The following DYM variants were observed in gnomAD, a reference collection of about 807,000 sequenced individuals.
DYM encodes the protein dyggve-Melchior-Clausen syndrome protein.
DYM carries 78 observed loss-of-function variants against 93.1 expected under a neutral mutation model. That is an observed-to-expected ratio of 0.84 (90% CI 0.70 to 1.01). The LOEUF (loss-of-function observed/expected upper bound fraction) is 1.01. Among genes scored for constraint, DYM ranks in the 50% least tolerant of loss-of-function variants. The pLI is 0.00. For missense variants in DYM, 789 were observed against 845.0 expected, an observed-to-expected ratio of 0.93 and a Z score of 0.82; for synonymous variants, 321 against 319.7, an observed-to-expected ratio of 1.00 and a Z score of -0.04.
intron 14 of DYM, chr18:49,206,101 C>T (rs1224417861): frequency 2.1e-5 from 5 of 237,906 alleles, no homozygotes; most frequent in Non-Finnish European, 3.2e-5. Context: ...CAGGCTCAAG[C>T]GATTCTCCTG....
intron 14 of DYM, among the ~76,000 whole-genome samples, chr18:49,207,442 C>T (rs922847953): frequency 6.6e-6 from 1 of 152,168 alleles, no homozygotes; most frequent in East Asian, 1.9e-4. Context: ...TATGTGTAAA[C>T]CTGGCTAAAC....
intron 2 of DYM, among the ~76,000 whole-genome samples, chr18:49,420,872 C>A (rs2073608347): frequency 6.6e-6 from 1 of 152,166 alleles, no homozygotes; most frequent in Non-Finnish European, 1.5e-5. Context: ...ATATCCCACG[C>A]CTGGCTCGGA....
At chr18:49,379,380 G>C (rs1389308519) in intron 4 of DYM, among the ~76,000 whole-genome samples, 1 of 152,016 alleles carries the variant, frequency 6.6e-6, no homozygotes, top group Non-Finnish European at 1.5e-5. Context: ...GTGATAATGG[G>C]GGGGAGGGGA....
chr18:49,310,949 T>C (rs2146348116), intron 8 of DYM, among the ~76,000 whole-genome samples: 1 of 152,314 alleles, frequency 6.6e-6, no homozygotes, highest in African/African-American at 2.4e-5. Flanking sequence ...TAATCCAATA[T>C]AGGCAAAATA....
intron 15 of DYM, among the ~76,000 whole-genome samples, chr18:49,129,541 G>A (rs765890588): frequency 5.9e-5 from 9 of 152,212 alleles, no homozygotes; most frequent in Non-Finnish European, 7.3e-5. Context: ...AAGTGGCAAA[G>A]AAGAAAGCAG....
chr18:49,078,662 C>T (rs1166354963), intron 17 of DYM, among the ~76,000 whole-genome samples: 2 of 152,090 alleles, frequency 1.3e-5, no homozygotes, highest in Non-Finnish European at 2.9e-5. Flanking sequence ...ATGTGAGGTG[C>T]TTGCCACCAT....
chr18:49,177,869 C>T (rs2089549205), intron 14 of DYM, among the ~76,000 whole-genome samples: 1 of 152,026 alleles, frequency 6.6e-6, no homozygotes, highest in Non-Finnish European at 1.5e-5. Context: ...CCTCATTTTC[C>T]TTTTAAATAA....
chr18:49,421,792 G>A (rs112376798), intron 2 of DYM, among the ~76,000 whole-genome samples: 30 of 152,146 alleles, frequency 2.0e-4, no homozygotes, highest in African/African-American at 5.3e-4. Flanking sequence ...AGAATAAACC[G>A]CATAGAGAAG....
intron 6 of DYM, among the ~76,000 whole-genome samples, chr18:49,358,376 C>T (rs1025537275): frequency 6.6e-6 from 1 of 152,088 alleles, no homozygotes; most frequent in African/African-American, 2.4e-5. Context: ...AGGCCCTAGA[C>T]ACAGCATGGA....
chr18:49,108,854 A>T (rs1427774326), intron 16 of DYM, among the ~76,000 whole-genome samples: 1 of 152,170 alleles, frequency 6.6e-6, no homozygotes, highest in Non-Finnish European at 1.5e-5. Context: ...TCTTCTTGCC[A>T]TTCTATCAGT....
intron 17 of DYM, among the ~76,000 whole-genome samples, chr18:49,060,968 T>G (rs2075943841): frequency 6.6e-6 from 1 of 151,502 alleles, no homozygotes; most frequent in South Asian, 2.1e-4. Flanking sequence ...TCCTGGGTAG[T>G]GAGGGGGGCA....
intron 16 of DYM, among the ~76,000 whole-genome samples, chr18:49,106,671 G>C (rs1302111598): frequency 6.6e-6 from 1 of 152,164 alleles, no homozygotes; most frequent in Non-Finnish European, 1.5e-5. Flanking sequence ...ACGAAGCTTA[G>C]TTTGGCTGGA....
At chr18:49,438,526 AC>A (rs2081054673) in intron 1 of DYM, among the ~76,000 whole-genome samples, 1 of 152,162 alleles carries the variant, frequency 6.6e-6, no homozygotes, top group South Asian at 2.1e-4. Context: ...CTTCAAGGGC[AC>A]CATCCCAAAG....
At chr18:49,149,763 G>A (rs931701124) in intron 15 of DYM, among the ~76,000 whole-genome samples, 1 of 128,014 alleles carries the variant, frequency 7.8e-6, no homozygotes, top group Non-Finnish European at 1.5e-5. Context: ...CTAGAGTCCA[G>A]TGGCACAATC....
At chr18:49,343,229 C>G (rs576818812) in intron 6 of DYM, among the ~76,000 whole-genome samples, 1 of 152,340 alleles carries the variant, frequency 6.6e-6, no homozygotes, top group African/African-American at 2.4e-5. Flanking sequence ...AACTCAGCCT[C>G]TAAGACCCTG....
chr18:49,336,852 A>G (rs749179908), intron 6 of DYM, among the ~76,000 whole-genome samples: 9 of 152,226 alleles, frequency 5.9e-5, no homozygotes, highest in Non-Finnish European at 1.0e-4. Context: ...CTCTGATAGT[A>G]ACTATGGGAT....
chr18:49,278,785 C>G (rs2094906018), intron 10 of DYM, among the ~76,000 whole-genome samples: 2 of 152,078 alleles, frequency 1.3e-5, no homozygotes, highest in South Asian at 4.1e-4. Flanking sequence ...GCCTGGATAA[C>G]ATCATTCAGC....
At chr18:49,357,389 A>G (rs1439362925) in intron 6 of DYM, among the ~76,000 whole-genome samples, 1 of 152,206 alleles carries the variant, frequency 6.6e-6, no homozygotes, top group East Asian at 1.9e-4. Context: ...CATCGTCCCT[A>G]AACTAAACGG....
chr18:49,131,491 C>T (rs1303333473), intron 15 of DYM, among the ~76,000 whole-genome samples: 1 of 152,102 alleles, frequency 6.6e-6, no homozygotes, highest in African/African-American at 2.4e-5. Context: ...TCCCAAAGTG[C>T]TAGGATTACA....
Sources: gnomAD v4.1 joint callset for allele counts (sites outside exome capture counted in the v4.1 genomes callset) on GRCh38, gnomAD v4.1.1 for gene constraint, MANE v1.5 for transcripts, NCBI Gene and HGNC (gene_info 2026-07-23, HGNC 2026-07-21) for gene names.